Variants in AKIRIN1 observed in about 807,000 individuals in gnomAD.
AKIRIN1 encodes akirin 1, also known as akirin-1.
In AKIRIN1, 4 loss-of-function variants were observed where a neutral mutation model predicts 25.9. The observed-to-expected ratio is 0.15, with a 90% CI of 0.08 to 0.35. The LOEUF is 0.35. Ranked by LOEUF, AKIRIN1 falls within the 10% of genes least tolerant of loss-of-function variation. The pLI, the probability that AKIRIN1 is intolerant of heterozygous loss-of-function variation, is 1.00. For missense variants in AKIRIN1, 243 were observed against 266.1 expected, an observed-to-expected ratio of 0.91 and a Z score of 0.61; for synonymous variants, 125 against 105.1, an observed-to-expected ratio of 1.19 and a Z score of -1.16.
At chr1:38,998,434 C>G (rs1408165061) in intron 2 of AKIRIN1, 123 bp downstream of exon 2, 2 of 1,136,856 alleles carry the variant, frequency 1.8e-6, no homozygotes, top group Non-Finnish European at 2.4e-6. Context: ...TTAATATTTA[C>G]AGATATTTTT....
In AKIRIN1 at chr1:39,003,372, C is replaced by T. The variant is rs753033453; in HGVS notation, c.522C>T (p.Phe174=). The part of the protein sequence containing the change: ...LAEQYESFVK[F]THDQIMRRYG... ...AACAATATGAATCTTTTGTGAAATT[C>T]ACACATGATCAGATTATGCGACGGT... The change falls in exon 4 of 5, where the codon TTC becomes TTT. Residue 174 remains phenylalanine (F), a synonymous_variant. Transcript: ENST00000432648. The T allele has an allele frequency of 3.7e-6, 6 of 1,613,598 alleles. No homozygotes were observed. The highest frequency in any genetic ancestry group is 5.1e-6 in the Non-Finnish European group (6 of 1,179,888).
chr1:38,996,424 C>A (rs1016689043), intron 1 of AKIRIN1, among the ~76,000 whole-genome samples: 3 of 151,328 alleles, frequency 2.0e-5, no homozygotes, highest in African/African-American at 7.3e-5. Context: ...CGTTATGTTG[C>A]CCAGGCTGGC....
intron 1 of AKIRIN1, among the ~76,000 whole-genome samples, chr1:38,996,161 C>G (rs1342690511): frequency 6.6e-6 from 1 of 152,162 alleles, no homozygotes; most frequent in Admixed American, 6.5e-5. Context: ...ATGGGGTGAT[C>G]TCGGCTCACT....
At chr1:38,991,673 T>TGG in intron 1 of AKIRIN1, 73 bp downstream of exon 1, 1 of 269,418 alleles carries the variant, frequency 3.7e-6, no homozygotes, top group Non-Finnish European at 6.1e-6. Flanking sequence ...TGGGGGAGGG[T>TGG]TGGGAATACC....
rs753878747 is a variant in AKIRIN1, at chr1:39,001,068, G to A, written c.458G>A (p.Arg153Gln). ...RLLKDYEDKIREEYEQILNTK... is the reference protein window; with the variant it reads ...RLLKDYEDKIQEEYEQILNTK... ...TTAAAAGACTATGAAGATAAAATTC[G>A]GGAGGAGTATGAGCAAATCCTCAAT... The change falls in exon 3 of 5, where the codon CGG becomes CAG. Residue 153 changes from arginine to glutamine, a missense_variant. Arg to Gln is a conservative substitution (Grantham distance 43, BLOSUM62 1). This residue lies in a region of AKIRIN1 where 190 missense variants were observed against 174.4 expected (regional missense o/e 1.09). Coordinates refer to ENST00000432648, the MANE Select transcript of AKIRIN1 (RefSeq NM_024595.3). The A allele has an allele frequency of 5.6e-6, 9 of 1,613,660 alleles. No homozygotes were observed. In the South Asian group the frequency reaches 7.7e-5, roughly 14 times the overall value.
Position 38,991,470 on chromosome 1 carries a change from T to C in AKIRIN1, c.90T>C (p.Pro30=). ...CCCCGAAGCGGCGGCGCTGCGCCCC[T>C]CTGCCCGGCCCCACTCCGGGCCTCA... ...PGSPKRRRCA[P]LPGPTPGLRP... The change falls in exon 1 of 5, where the codon CCT becomes CCC. Residue 30 remains proline, a synonymous_variant. Coordinates refer to ENST00000432648, the MANE Select transcript of AKIRIN1 (RefSeq NM_024595.3). 7.1e-7 allele frequency: 1 copy of C among 1,406,850 alleles called. No individual in the cohort carries two copies. Among genetic ancestry groups the C allele is most frequent in the Non-Finnish European group, 9.2e-7 (1 of 1,086,232 alleles). 87.1% of individuals were successfully genotyped at this position (1,406,850 alleles called of 1,614,324 possible). A position where few individuals can be genotyped will look rare whatever the true frequency, so the allele number is the denominator to read the frequency against.
intron 2 of AKIRIN1, 29 bp from the exon 3 acceptor site, chr1:39,000,943 G>A (rs1168288843): frequency 1.9e-6 from 3 of 1,598,982 alleles, no homozygotes; most frequent in Middle Eastern, 1.7e-4. Flanking sequence ...CACCGCACCT[G>A]GCCCAAACTC....
intron 1 of AKIRIN1, among the ~76,000 whole-genome samples, chr1:38,996,134 G>A (rs1354895215): frequency 3.3e-5 from 5 of 152,116 alleles, no homozygotes; most frequent in Non-Finnish European, 7.4e-5. Flanking sequence ...TTACTCTGTT[G>A]CCCAGGCTGG....
At chr1:38,997,384 T>G (rs946051778) in intron 1 of AKIRIN1, among the ~76,000 whole-genome samples, 1 of 152,202 alleles carries the variant, frequency 6.6e-6, no homozygotes, top group Non-Finnish European at 1.5e-5. Flanking sequence ...GATCAGAAAA[T>G]TATTTTCTAA....
At chr1:39,000,649 T>TTTTTTTC (rs1643982806) in intron 2 of AKIRIN1, among the ~76,000 whole-genome samples, 1 of 151,064 alleles carries the variant, frequency 6.6e-6, no homozygotes, top group African/African-American at 2.4e-5. Flanking sequence ...GCGCCCGGCC[T>TTTTTTTC]TTTTTTCTTT....
At position 39,004,467 on chromosome 1, in the gene AKIRIN1, G is replaced by T; in HGVS notation, c.*412G>T. 3.6e-6 allele frequency: 1 copy of T among 281,534 alleles called. No homozygotes were observed. Among genetic ancestry groups the T allele is most frequent in the Non-Finnish European group, 6.9e-6 (1 of 144,252 alleles). 17.4% of individuals were successfully genotyped at this position (281,534 alleles called of 1,614,324 possible). On this transcript the variant is annotated 3_prime_UTR_variant, in exon 5 of 5. Coordinates refer to ENST00000432648, the MANE Select transcript of AKIRIN1 (RefSeq NM_024595.3). Reference sequence around the variant, plus strand: ...TGCAAAAATTTTTTTTTGATCTTGGGGATTCTGGCTGTGAATTTGGTGCAC... The same window carrying T: ...TGCAAAAATTTTTTTTTGATCTTGGTGATTCTGGCTGTGAATTTGGTGCAC...
At chr1:39,003,233 G>C in intron 3 of AKIRIN1, 114 bp from the exon 4 acceptor site, 5 of 916,638 alleles carry the variant, frequency 5.5e-6, no homozygotes, top group Non-Finnish European at 8.6e-6. Context: ...CCTTTATAAA[G>C]AGGGCCTGAG....
At position 38,991,588 on chromosome 1, in the gene AKIRIN1, CT is replaced by C; in HGVS notation, c.210del (p.Pro71GlnfsTer10). The C allele has an allele frequency of 7.5e-7, 1 of 1,332,530 alleles. No homozygotes were observed. The highest frequency in any genetic ancestry group is 9.6e-7 in the Non-Finnish European group (1 of 1,043,228). 82.5% of individuals were successfully genotyped at this position (1,332,530 alleles called of 1,614,324 possible). A position where few individuals can be genotyped will look rare whatever the true frequency, so the allele number is the denominator to read the frequency against. Reference sequence around the variant, plus strand: ...CGCCCCGCCCGGCAGCGAGCGGCGCCTTCCAACTCCGGGTAACCTGCCCTGC... The same window carrying C: ...CGCCCCGCCCGGCAGCGAGCGGCGCCTCCAACTCCGGGTAACCTGCCCTGC... Reference protein sequence around the residue: ...QPAPPGSERRLPTPEQIFQNI... With the variant: ...QPAPPGSERRXPTPEQIFQNI... On this transcript the variant is annotated frameshift_variant, in exon 1 of 5. Transcript: ENST00000432648. LOFTEE classifies it high-confidence loss of function.
intron 4 of AKIRIN1, 72 bp from the exon 5 acceptor site, chr1:39,003,973 G>C: frequency 7.2e-7 from 1 of 1,389,242 alleles, no homozygotes; most frequent in African/African-American, 1.4e-5. Context: ...TACTGTTAGT[G>C]AAAATTTTTA....
chr1:39,004,492 C>T lies in AKIRIN1; in HGVS notation c.*437C>T, dbSNP rs759841694. On this transcript the variant is annotated 3_prime_UTR_variant, in exon 5 of 5. Transcript: ENST00000432648. ...GGATTCTGGCTGTGAATTTGGTGCACGACAATTATGGTAAAAAAACATTTG... is the reference window on the plus strand; with the variant it reads ...GGATTCTGGCTGTGAATTTGGTGCATGACAATTATGGTAAAAAAACATTTG... 7 of 269,928 alleles carry T rather than the reference C, an allele frequency of 2.6e-5. No homozygotes were observed. Among genetic ancestry groups the T allele is most frequent in the South Asian group, 7.5e-5 (2 of 26,694 alleles). 16.7% of individuals were successfully genotyped at this position (269,928 alleles called of 1,614,324 possible). A position where few individuals can be genotyped will look rare whatever the true frequency, so the allele number is the denominator to read the frequency against.
intron 2 of AKIRIN1, among the ~76,000 whole-genome samples, chr1:39,000,653 T>G (rs899410733): frequency 1.3e-5 from 2 of 151,118 alleles, no homozygotes; most frequent in Non-Finnish European, 2.9e-5. Flanking sequence ...CCGGCCTTTT[T>G]TTCTTTTTTC....
rs748996017 is a variant in AKIRIN1, at chr1:38,991,339, C to G, written c.-42C>G. On this transcript the variant is annotated 5_prime_UTR_variant, in exon 1 of 5. Coordinates refer to ENST00000432648, the MANE Select transcript of AKIRIN1 (RefSeq NM_024595.3). ...CGGCTGAGGAGCCTCTTGGGCCGCACTTACCGCCGCGTCCGCTCCCGGTCC... is the reference window on the plus strand; with the variant it reads ...CGGCTGAGGAGCCTCTTGGGCCGCAGTTACCGCCGCGTCCGCTCCCGGTCC... 29 of 1,330,950 alleles carry G rather than the reference C, an allele frequency of 2.2e-5. No individual in the cohort carries two copies. The highest frequency in any genetic ancestry group is 3.8e-5 in the South Asian group (2 of 53,330). The allele number at this position is 1,330,950 out of a possible 1,614,324, so 82.4% of individuals were successfully genotyped here. A position where few individuals can be genotyped will look rare whatever the true frequency, so the allele number is the denominator to read the frequency against.
intron 2 of AKIRIN1, among the ~76,000 whole-genome samples, chr1:38,999,132 G>T (rs1010451351): frequency 6.6e-6 from 1 of 152,216 alleles, no homozygotes; most frequent in African/African-American, 2.4e-5. Flanking sequence ...ATTGCCTCCT[G>T]TTGGGGTTCA....
rs1385944057 is a variant in AKIRIN1 at position 39,004,421 on chromosome 1, TTTAAG to T, written c.*370_*374del. 5.9e-6 allele frequency: 2 copies of T among 339,482 alleles called. No individual in the cohort carries two copies. Among genetic ancestry groups the T allele is most frequent in the Non-Finnish European group, 5.5e-6 (1 of 180,276 alleles). 21.0% of individuals were successfully genotyped at this position (339,482 alleles called of 1,614,324 possible). On this transcript the variant is annotated 3_prime_UTR_variant, in exon 5 of 5. Coordinates refer to ENST00000432648, the MANE Select transcript of AKIRIN1 (RefSeq NM_024595.3). Reference sequence around the variant, plus strand: ...TGTGTGTATATGTGTGTATGTGTATTTTAAGTTATTATTTGTATTGTGCAAAAATT... The same window carrying T: ...TGTGTGTATATGTGTGTATGTGTATTTTATTATTTGTATTGTGCAAAAATT...
Sources: allele counts gnomAD v4.1 joint callset (sites outside exome capture counted in the v4.1 genomes callset), GRCh38; gene constraint gnomAD v4.1.1; regional missense constraint gnomAD v4.1.1; transcripts MANE v1.5; gene names NCBI Gene and HGNC (gene_info 2026-07-23, HGNC 2026-07-21).